Variants in RBFOX1 observed in about 807,000 individuals in gnomAD.
RBFOX1 encodes the protein RNA binding protein fox-1 homolog 1.
In RBFOX1, 8 loss-of-function variants were observed where a neutral mutation model predicts 57.7. That is an observed-to-expected ratio of 0.14 (90% CI 0.08 to 0.25). The LOEUF (loss-of-function observed/expected upper bound fraction) is 0.25, where lower values mean the gene tolerates loss of function less well. RBFOX1 is among the 10% of genes least tolerant of loss of function. The probability of loss-of-function intolerance (pLI) is 1.00; values close to 1 mark genes in which losing one functional copy is unlikely to be tolerated. For synonymous variants in RBFOX1, 326 were observed against 222.4 expected (o/e 1.47, Z -4.15); for missense variants, 611 against 548.5 (o/e 1.11, Z -1.14).
At chr16:7,007,367 G>T (rs923226735) in intron 3 of RBFOX1, among the ~76,000 whole-genome samples, 3 of 152,148 alleles carry the variant, frequency 2.0e-5, no homozygotes, top group African/African-American at 7.2e-5. Flanking sequence ...ATTGCAGCTG[G>T]AGAAAGTCTT....
chr16:6,139,547 C>T (rs1253246817), intron 1 of RBFOX1, among the ~76,000 whole-genome samples: 1 of 152,204 alleles, frequency 6.6e-6, no homozygotes, highest in Non-Finnish European at 1.5e-5. Context: ...CCACTGGTCT[C>T]AGGCTCTGCA....
At chr16:7,574,602 G>C (rs2093140968) in intron 5 of RBFOX1, among the ~76,000 whole-genome samples, 1 of 152,162 alleles carries the variant, frequency 6.6e-6, no homozygotes, top group Non-Finnish European at 1.5e-5. Flanking sequence ...AGCCAGTCTA[G>C]TCTTTGCATG....
At chr16:7,276,252 T>G (rs1156229220) in intron 4 of RBFOX1, among the ~76,000 whole-genome samples, 1 of 152,132 alleles carries the variant, frequency 6.6e-6, no homozygotes, top group Non-Finnish European at 1.5e-5. Flanking sequence ...CTTTGTGTCA[T>G]GAAATGGTGA....
intron 5 of RBFOX1, among the ~76,000 whole-genome samples, chr16:7,552,728 G>A (rs2086936941): frequency 6.6e-6 from 1 of 151,988 alleles, no homozygotes; most frequent in African/African-American, 2.4e-5. Context: ...TGTTGCTCAG[G>A]CCGAAGTGCA....
chr16:5,795,391 T>A (rs1054417777), intron 3 of RBFOX1, among the ~76,000 whole-genome samples: 1 of 151,946 alleles, frequency 6.6e-6, no homozygotes, highest in Non-Finnish European at 1.5e-5. Flanking sequence ...GCTGTGTCAA[T>A]CTTCTGGGCT....
At chr16:6,312,605 G>C (rs1394912214) in intron 1 of RBFOX1, among the ~76,000 whole-genome samples, 5 of 152,126 alleles carry the variant, frequency 3.3e-5, no homozygotes, top group Non-Finnish European at 7.4e-5. Flanking sequence ...TGGGGAGGCT[G>C]AGTGTGTCTA....
intron 4 of RBFOX1, among the ~76,000 whole-genome samples, chr16:7,359,108 G>A (rs375926355): frequency 6.6e-6 from 1 of 152,182 alleles, no homozygotes; most frequent in Admixed American, 6.5e-5. Context: ...AAAACTGTGG[G>A]TGAGTTAAAC....
Position 6,410,020 on chromosome 16 carries a change from G to T in RBFOX1, c.-64+92963G>T, listed in dbSNP as rs548382257. Among the ~76,000 whole-genome samples, 122 of 152,186 alleles carry T rather than the reference G, an allele frequency of 8.0e-4. 1 individual carries two copies. The highest frequency in any genetic ancestry group is 9.3e-4 in the Non-Finnish European group (63 of 68,018). On this transcript the variant is annotated intron_variant, in intron 2 of 15. Coordinates refer to ENST00000550418, the MANE Select transcript of RBFOX1 (RefSeq NM_018723.4). The stretch of plus-strand genomic sequence containing the variant: ...CTTGCCTGTTCAATTTGTCCTCTAC[G>T]AGGCAAAGGTGAGACTAGGAGCCCT...
At chr16:5,960,454 C>T (rs756690634) in intron 4 of RBFOX1, among the ~76,000 whole-genome samples, 7 of 152,096 alleles carry the variant, frequency 4.6e-5, no homozygotes, top group Non-Finnish European at 1.0e-4. Context: ...CAAAGTATTA[C>T]GTGAAAACAG....
intron 2 of RBFOX1, among the ~76,000 whole-genome samples, chr16:6,319,119 G>A (rs1308839133): frequency 2.0e-5 from 3 of 152,092 alleles, no homozygotes; most frequent in African/African-American, 7.2e-5. Context: ...TTGAGAAATT[G>A]CTCCAGTCTC....
At chr16:5,331,312 A>G (rs962553936) in intron 1 of RBFOX1, among the ~76,000 whole-genome samples, 2 of 152,222 alleles carry the variant, frequency 1.3e-5, no homozygotes, top group African/African-American at 4.8e-5. Context: ...AACAAATGCT[A>G]CAGAAGTGCT....
At chr16:5,859,979 C>G (rs2057169146) in intron 3 of RBFOX1, among the ~76,000 whole-genome samples, 1 of 152,324 alleles carries the variant, frequency 6.6e-6, no homozygotes, top group South Asian at 2.1e-4. Context: ...CCCAAAGCAC[C>G]TAGATGTAGC....
chr16:6,091,701 G>C (rs1053356597), intron 1 of RBFOX1, among the ~76,000 whole-genome samples: 1 of 152,134 alleles, frequency 6.6e-6, no homozygotes, highest in Non-Finnish European at 1.5e-5. Flanking sequence ...GTGGTGTCAG[G>C]AGCCTGGAAT....
At chr16:5,354,239 G>A (rs1431686211) in intron 1 of RBFOX1, among the ~76,000 whole-genome samples, 2 of 152,154 alleles carry the variant, frequency 1.3e-5, no homozygotes, top group Non-Finnish European at 2.9e-5. Flanking sequence ...AGTCTCTCTG[G>A]TCTTTCTGTG....
chr16:6,923,199 C>G (rs915183391), intron 3 of RBFOX1, among the ~76,000 whole-genome samples: 3 of 152,150 alleles, frequency 2.0e-5, no homozygotes, highest in African/African-American at 7.2e-5. Context: ...CTTCAGTTGC[C>G]TGCCTGAGCT....
chr16:7,018,787 T>TAA (rs141781801), intron 3 of RBFOX1, among the ~76,000 whole-genome samples: 13,107 of 146,390 alleles, frequency 0.09, 926 homozygotes, highest in East Asian at 0.27. Context: ...CTTAAAGTAT[T>TAA]AAAAAAAAAA....
chr16:5,295,112 G>A (rs1473217646), intron 1 of RBFOX1, among the ~76,000 whole-genome samples: 1 of 149,690 alleles, frequency 6.7e-6, no homozygotes, highest in Admixed American at 6.7e-5. Context: ...CCTGGCATTT[G>A]TCAGAAATAC....
intron 4 of RBFOX1, among the ~76,000 whole-genome samples, chr16:5,909,355 G>A (rs890384673): frequency 6.6e-6 from 1 of 152,150 alleles, no homozygotes; most frequent in African/African-American, 2.4e-5. Context: ...GCCTCCCAAA[G>A]TGCTGGGATT....
chr16:5,410,059 A>G (rs960239575), intron 1 of RBFOX1, among the ~76,000 whole-genome samples: 1 of 117,508 alleles, frequency 8.5e-6, no homozygotes, highest in African/African-American at 2.8e-5. Context: ...AAAAAAAAAA[A>G]AAAAAAATAA....
Sources: gnomAD v4.1 joint callset for allele counts (sites outside exome capture counted in the v4.1 genomes callset) on GRCh38, gnomAD v4.1.1 for gene constraint, MANE v1.5 for transcripts, NCBI Gene and HGNC (gene_info 2026-07-23, HGNC 2026-07-21) for gene names.